SLC22A31: variants seen among roughly 807,000 people sequenced by gnomAD.
SLC22A31 encodes solute carrier family 22 member 31.
A neutral mutation model predicts 27.4 loss-of-function variants in SLC22A31; 42 were observed. The ratio of observed to expected loss-of-function variants is 1.53; its 90% CI spans 1.20 to 1.98. The LOEUF is 1.98. Among genes scored for constraint, SLC22A31 ranks in the 30% most tolerant of loss-of-function variants. The probability of loss-of-function intolerance (pLI) is 0.00; values close to 1 mark genes in which losing one functional copy is unlikely to be tolerated. For synonymous variants in SLC22A31, 290 were observed against 230.8 expected (o/e 1.26, Z -2.33); for missense variants, 593 against 479.9 (o/e 1.24, Z -2.20).
At position 89,198,307 on chromosome 16, in the gene SLC22A31, A is replaced by T; in HGVS notation, c.737T>A (p.Phe246Tyr). Residue 246 changes from phenylalanine (F) to tyrosine (Y), a missense_variant, in exon 7 of 9, where the codon TTC becomes TAC. Physicochemically the swap from Phe to Tyr is conservative, Grantham distance 22 (BLOSUM62 3). Coordinates refer to ENST00000682282, the MANE Select transcript of SLC22A31 (RefSeq NM_001384763.1). ...CACCTGAGGTGCCAGGCTGCGGCGG[A>T]AGCTAGCTCTGATGCCTCCACCAAC... is the stretch of plus-strand genomic sequence containing the variant. The part of the protein sequence containing the change: ...SLVGGGIRAS[F>Y]RRSLAPQVPT... The T allele has an allele frequency of 6.5e-7, 1 of 1,535,886 alleles. No homozygotes were observed.
upstream of SLC22A31, among the ~76,000 whole-genome samples, chr16:89,200,604 T>A (rs1916495437): frequency 6.6e-6 from 1 of 151,874 alleles, no homozygotes; most frequent in African/African-American, 2.4e-5. Flanking sequence ...GCAGCCCTTG[T>A]GAAGATGTGG....
In SLC22A31 at chr16:89,196,296, CCCGGCCCCCCTGTGGG is replaced by C. The variant is rs1915900446; in HGVS notation, c.1035-7_1043del. ...ACCCGGCCCCCAGCACCAGGCCCAG[CCCGGCCCCCCTGTGGG>C]ACAGAGTGTGTTGGGGGCAGCCAGC... On this transcript the variant is annotated splice_acceptor_variant and splice_polypyrimidine_tract_variant and coding_sequence_variant and intron_variant, in exon 9 of 9. Coordinates refer to ENST00000682282, the MANE Select transcript of SLC22A31 (RefSeq NM_001384763.1). LOFTEE classifies it high-confidence loss of function. The C allele has an allele frequency of 3.3e-6, 5 of 1,502,314 alleles. No homozygotes were observed. Among genetic ancestry groups the C allele is most frequent in the African/African-American group, 1.4e-5 (1 of 71,148 alleles). The allele number at this position is 1,502,314 out of a possible 1,614,324, so 93.1% of individuals were successfully genotyped here.
At chr16:89,198,015 G>T in intron 7 of SLC22A31, 107 bp downstream of exon 7, 2 of 1,263,330 alleles carry the variant, frequency 1.6e-6, no homozygotes, top group Non-Finnish European at 2.1e-6. Flanking sequence ...CTGGCCTTGG[G>T]CTGCCACCCC....
At position 89,198,498 on chromosome 16, in the gene SLC22A31, C is replaced by T. The variant is rs1173438115; in HGVS notation, c.651G>A (p.Leu217=). The T allele has an allele frequency of 2.0e-6, 3 of 1,518,488 alleles. No individual in the cohort carries two copies. The highest frequency in any genetic ancestry group is 1.7e-4 in the Middle Eastern group (1 of 5,894). 94.1% of individuals were successfully genotyped at this position (1,518,488 alleles called of 1,614,324 possible). A position where few individuals can be genotyped will look rare whatever the true frequency, so the allele number is the denominator to read the frequency against. ...RSPQPRYHSP[L]GLLRTRVTWR... ...AGGTGACTCGGGTACGCAGAAGCCC[C>T]AGTGGGGAGTGGTACCGGGGCTGGG... Residue 217 remains leucine (L), a synonymous_variant, in exon 6 of 9, where the codon CTG becomes CTA. Coordinates refer to ENST00000682282, the MANE Select transcript of SLC22A31 (RefSeq NM_001384763.1).
rs1916211153 is a variant in SLC22A31 at position 89,198,548 on chromosome 16, G to GCT, written c.599_600dup (p.Leu201SerfsTer2). ...GGGCTCCGTGCAGACAGCATGGTCA[G>GCT]CTCTGTAGCCGCAGAGATGTGAGGG... is the stretch of plus-strand genomic sequence containing the variant. On this transcript the variant is annotated frameshift_variant and splice_region_variant, in exon 6 of 9. Transcript: ENST00000682282. LOFTEE classifies it high-confidence loss of function. The GCT allele has an allele frequency of 6.6e-7, 1 of 1,508,024 alleles. No individual in the cohort carries two copies. The highest frequency in any genetic ancestry group is 1.2e-5 in the South Asian group (1 of 80,384). The allele number at this position is 1,508,024 out of a possible 1,614,324, so 93.4% of individuals were successfully genotyped here.
rs1426015293 is a variant in SLC22A31 at position 89,198,478 on chromosome 16, ACT to A, written c.669_670del (p.Val224HisfsTer21). ...CAAGATAAGCCCGTTTCTCCAGGTG[ACT>A]CGGGTACGCAGAAGCCCCAGTGGGG... is the stretch of plus-strand genomic sequence containing the variant. On this transcript the variant is annotated frameshift_variant, in exon 6 of 9. Transcript: ENST00000682282. LOFTEE classifies it high-confidence loss of function. 1 of 1,519,938 alleles carries A rather than the reference ACT, an allele frequency of 6.6e-7. No homozygotes were observed. Among genetic ancestry groups the A allele is most frequent in the Non-Finnish European group, 8.8e-7 (1 of 1,138,170 alleles). The allele number at this position is 1,519,938 out of a possible 1,614,324, so 94.2% of individuals were successfully genotyped here. A position where few individuals can be genotyped will look rare whatever the true frequency, so the allele number is the denominator to read the frequency against.
chr16:89,196,110 G>A lies in SLC22A31; in HGVS notation c.1230C>T (p.Ala410=), dbSNP rs769295753. ...GGAGTGGGGAGCGGCGCAGGCGGTCGGCGTCCTGCAGTGACTGGGGCAGCC... is the reference window on the plus strand; with the variant it reads ...GGAGTGGGGAGCGGCGCAGGCGGTCAGCGTCCTGCAGTGACTGGGGCAGCC... ...SRGLPQSLQD[A]DRLRRSPLLR... is the part of the protein sequence containing the mutation. The change falls in exon 9 of 9, where the codon GCC becomes GCT. Residue 410 remains alanine (A), a synonymous_variant. Transcript: ENST00000682282. The A allele has an allele frequency of 8.5e-5, 131 of 1,534,114 alleles. No homozygotes were observed. The highest frequency in any genetic ancestry group is 1.1e-4 in the Non-Finnish European group (122 of 1,146,382).
intron 1 of SLC22A31, 165 bp from the exon 2 acceptor site, chr16:89,199,981 G>A (rs937978658): frequency 5.0e-6 from 2 of 397,584 alleles, no homozygotes; most frequent in Non-Finnish European, 8.9e-6. Flanking sequence ...GCTTGGTCCA[G>A]GTCACACAGC....
intron 8 of SLC22A31, 22 bp downstream of exon 8, chr16:89,197,276 G>C: frequency 6.5e-7 from 1 of 1,527,100 alleles, no homozygotes; most frequent in Non-Finnish European, 8.8e-7. Flanking sequence ...CTGCTGTGTG[G>C]CCGGGCAACC....
chr16:89,199,375 G>T (rs1916326984), intron 3 of SLC22A31, 38 bp downstream of exon 3: 1 of 614,040 alleles, frequency 1.6e-6, no homozygotes, highest in Non-Finnish European at 2.8e-6. Context: ...GCCACCCACT[G>T]CCCCTCCCCC....
At chr16:89,198,005 C>G (rs1364443735) in intron 7 of SLC22A31, 117 bp downstream of exon 7, 5 of 1,099,566 alleles carry the variant, frequency 4.5e-6, no homozygotes, top group South Asian at 3.2e-5. Context: ...CAAACAGCAG[C>G]TGGCCTTGGG....
intron 8 of SLC22A31, among the ~76,000 whole-genome samples, chr16:89,196,991 C>T (rs1916000674): frequency 2.0e-5 from 3 of 151,936 alleles, no homozygotes; most frequent in Admixed American, 2.0e-4. Flanking sequence ...GTGATGCTTT[C>T]CCCGAGAATT....
At chr16:89,199,906 C>T (rs913692537) in intron 1 of SLC22A31, 90 bp from the exon 2 acceptor site, 5 of 400,260 alleles carry the variant, frequency 1.2e-5, no homozygotes, top group African/African-American at 1.0e-4. Flanking sequence ...CTGGAAGGGG[C>T]CCTCCATGTC....
rs1312409308 is a variant in SLC22A31 at position 89,195,953 on chromosome 16, G to A, written c.*46C>T. On this transcript the variant is annotated 3_prime_UTR_variant, in exon 9 of 9. Transcript: ENST00000682282. ...TCTGGGGTACTCAGCCATGCCCCAG[G>A]CCTTGACTTTGGTCCCATCCTGGCT... 9 of 1,451,822 alleles carry A rather than the reference G, an allele frequency of 6.2e-6. No homozygotes were observed. In the East Asian group the frequency reaches 1.7e-4, roughly 28 times the overall value. The allele number at this position is 1,451,822 out of a possible 1,614,324, so 89.9% of individuals were successfully genotyped here.
At chr16:89,196,740 G>T (rs1915966042) in intron 8 of SLC22A31, among the ~76,000 whole-genome samples, 1 of 152,176 alleles carries the variant, frequency 6.6e-6, no homozygotes, top group African/African-American at 2.4e-5. Flanking sequence ...GAGGTCAGGA[G>T]ATCGAGACCA....
Position 89,196,060 on chromosome 16 carries a change from T to G in SLC22A31, c.1280A>C (p.His427Pro), listed in dbSNP as rs777764468. The change falls in exon 9 of 9, where the codon CAC becomes CCC. Residue 427 changes from histidine (H) to proline (P), a missense_variant. His to Pro is a moderately conservative substitution (Grantham distance 77). Transcript: ENST00000682282. ...PLLRGRPRQD[H>P]LPLLPPSNSY... Reference sequence around the variant, plus strand: ...GTTGGAGGGCGGCAGCAGAGGCAGGTGGTCCTGGCGGGGGCGGCCCCGCAG... The same window carrying G: ...GTTGGAGGGCGGCAGCAGAGGCAGGGGGTCCTGGCGGGGGCGGCCCCGCAG... 1.9e-5 allele frequency: 29 copies of G among 1,528,002 alleles called. No individual in the cohort carries two copies. Among genetic ancestry groups the G allele is most frequent in the Middle Eastern group, 2.2e-4 (1 of 4,550 alleles). The allele number at this position is 1,528,002 out of a possible 1,614,324, so 94.7% of individuals were successfully genotyped here. A position where few individuals can be genotyped will look rare whatever the true frequency, so the allele number is the denominator to read the frequency against.
intron 6 of SLC22A31, 41 bp from the exon 7 acceptor site, chr16:89,198,377 G>A (rs750306586): frequency 1.6e-5 from 25 of 1,532,624 alleles, no homozygotes; most frequent in Non-Finnish European, 2.1e-5. Context: ...CCAGAGCCGG[G>A]GACTCTGGGG....
chr16:89,198,677 G>T lies in SLC22A31; in HGVS notation c.573C>A (p.Ser191=). The T allele has an allele frequency of 6.5e-7, 1 of 1,535,710 alleles. No individual in the cohort carries two copies. The highest frequency in any genetic ancestry group is 8.7e-7 in the Non-Finnish European group (1 of 1,146,738). Reference sequence around the variant, plus strand: ...CTGTAGCCAGGGAGTTCTCCTCCAAGGAACTGTCCCCGGGGCCCACGCCAC... The same window carrying T: ...CTGTAGCCAGGGAGTTCTCCTCCAATGAACTGTCCCCGGGGCCCACGCCAC... The part of the protein sequence containing the change: ...EASGVGPGDS[S]LEENSLATEL... The change falls in exon 5 of 9, where the codon TCC becomes TCA. Residue 191 remains serine, a synonymous_variant. Coordinates refer to ENST00000682282, the MANE Select transcript of SLC22A31 (RefSeq NM_001384763.1).
rs1916228558 is a variant in SLC22A31, at chr16:89,198,678, GA to G, written c.571del (p.Ser191ProfsTer11). The G allele has an allele frequency of 6.5e-7, 1 of 1,535,600 alleles. No individual in the cohort carries two copies. The highest frequency in any genetic ancestry group is 1.4e-5 in the African/African-American group (1 of 73,030). On this transcript the variant is annotated frameshift_variant, in exon 5 of 9. Transcript: ENST00000682282. LOFTEE classifies it high-confidence loss of function. ...TGTAGCCAGGGAGTTCTCCTCCAAG[GA>G]ACTGTCCCCGGGGCCCACGCCACTG... ...EASGVGPGDS[S>X]LEENSLATEL...
Sources: gnomAD v4.1 joint callset for allele counts (sites outside exome capture counted in the v4.1 genomes callset) on GRCh38, gnomAD v4.1.1 for gene constraint, MANE v1.5 for transcripts, NCBI Gene and HGNC (gene_info 2026-07-23, HGNC 2026-07-21) for gene names.